Variants in PTPRK observed in about 807,000 individuals in gnomAD.
PTPRK encodes receptor-type tyrosine-protein phosphatase kappa.
PTPRK carries 75 observed loss-of-function variants against 178.0 expected under a neutral mutation model. The observed-to-expected ratio is 0.42, with a 90% CI of 0.35 to 0.51. The LOEUF is 0.51. Among genes scored for constraint, PTPRK ranks in the 20% least tolerant of loss-of-function variants. The pLI is 0.02. For missense variants in PTPRK, 1,441 were observed against 1,797.8 expected, an observed-to-expected ratio of 0.80 and a Z score of 3.59; for synonymous variants, 637 against 620.6, an observed-to-expected ratio of 1.03 and a Z score of -0.39.
intron 2 of PTPRK, among the ~76,000 whole-genome samples, chr6:128,352,432 A>G (rs1453617184): frequency 7.4e-6 from 1 of 134,652 alleles, no homozygotes; most frequent in Admixed American, 7.6e-5. Context: ...AGATCACTGT[A>G]CAGTCCAGAT....
At position 128,360,938 on chromosome 6, in the gene PTPRK, T is replaced by C. The variant is rs376851818; in HGVS notation, c.223+36628A>G. On this transcript the variant is annotated intron_variant, in intron 2 of 29. Coordinates refer to ENST00000368226, the MANE Select transcript of PTPRK (RefSeq NM_002844.4). Reference sequence around the variant, plus strand: ...TGTGTCATAATTCAGAAATACTGAATTTTTTGAAATACTGAAAATGGGATA... The same window carrying C: ...TGTGTCATAATTCAGAAATACTGAACTTTTTGAAATACTGAAAATGGGATA... 6.5e-4 allele frequency among the ~76,000 whole-genome samples: 99 copies of C among 152,206 alleles called. 3 individuals are homozygous for C. In the South Asian group the frequency reaches 0.02, roughly 30 times the overall value.
chr6:128,142,226 C>A (rs962584545), intron 7 of PTPRK, among the ~76,000 whole-genome samples: 1 of 151,994 alleles, frequency 6.6e-6, no homozygotes, highest in Admixed American at 6.6e-5. Flanking sequence ...AGAGCAGAAG[C>A]CTTTCAGAAC....
At chr6:128,291,544 C>G (rs1823385494) in intron 3 of PTPRK, among the ~76,000 whole-genome samples, 1 of 152,126 alleles carries the variant, frequency 6.6e-6, no homozygotes. Flanking sequence ...GATTCAAAAT[C>G]CCTGTACTTT....
At chr6:128,246,064 A>T (rs980570699) in intron 3 of PTPRK, among the ~76,000 whole-genome samples, 1 of 152,234 alleles carries the variant, frequency 6.6e-6, no homozygotes, top group Non-Finnish European at 1.5e-5. Context: ...GTGATTGTCA[A>T]CAGTGTAATA....
intron 27 of PTPRK, among the ~76,000 whole-genome samples, chr6:127,975,662 C>T (rs1347699946): frequency 6.6e-6 from 1 of 152,098 alleles, no homozygotes; most frequent in Non-Finnish European, 1.5e-5. Context: ...GTTACATAAT[C>T]TAAATTGTTT....
chr6:128,238,570 G>A (rs1813786555), intron 5 of PTPRK, among the ~76,000 whole-genome samples: 1 of 152,144 alleles, frequency 6.6e-6, no homozygotes, highest in Non-Finnish European at 1.5e-5. Context: ...CCAAATGCCA[G>A]CTAATGTTCC....
chr6:128,164,727 G>A (rs933863490), intron 7 of PTPRK, among the ~76,000 whole-genome samples: 6 of 150,540 alleles, frequency 4.0e-5, no homozygotes, highest in African/African-American at 1.5e-4. Context: ...GCTGGGGGGG[G>A]AGATTAAAAA....
At chr6:128,202,273 G>T (rs1216670534) in intron 6 of PTPRK, among the ~76,000 whole-genome samples, 3 of 152,302 alleles carry the variant, frequency 2.0e-5, no homozygotes, top group African/African-American at 7.2e-5. Flanking sequence ...AGGGGAAGCG[G>T]TGAGGAATTA....
chr6:128,221,376 T>C (rs1274643680), intron 5 of PTPRK, among the ~76,000 whole-genome samples: 1 of 151,976 alleles, frequency 6.6e-6, no homozygotes, highest in East Asian at 1.9e-4. Flanking sequence ...TACAAAAAAT[T>C]AGCCAGGCGC....
chr6:128,084,847 T>C (rs1305850522), intron 8 of PTPRK: 1 of 152,178 alleles, frequency 6.6e-6, no homozygotes, highest in African/African-American at 2.4e-5. Context: ...AAATATCAAC[T>C]GAATATTGGG....
chr6:128,489,143 G>A (rs1853401536), intron 1 of PTPRK, among the ~76,000 whole-genome samples: 1 of 152,128 alleles, frequency 6.6e-6, no homozygotes, highest in South Asian at 2.1e-4. Flanking sequence ...CTTGAGTTCT[G>A]AAAATATTTC....
chr6:128,428,113 T>C (rs1844394894), intron 1 of PTPRK, among the ~76,000 whole-genome samples: 1 of 151,872 alleles, frequency 6.6e-6, no homozygotes, highest in South Asian at 2.1e-4. Context: ...AAAAAAAAGT[T>C]TGGCATCATC....
At position 128,223,161 on chromosome 6, in the gene PTPRK, A is replaced by T. The variant is rs180709910; in HGVS notation, c.694-4065T>A. Among the ~76,000 whole-genome samples, 427 of 151,912 alleles carry T rather than the reference A, an allele frequency of 2.8e-3. 3 individuals carry two copies. Among genetic ancestry groups the T allele is most frequent in the African/African-American group, 9.2e-3 (380 of 41,402 alleles). ...AGGGTTTCATGTCTCATTTATATATATTTTTTCCTCCATAATATTTAATAT... is the reference window on the plus strand; with the variant it reads ...AGGGTTTCATGTCTCATTTATATATTTTTTTTCCTCCATAATATTTAATAT... On this transcript the variant is annotated intron_variant, in intron 5 of 29. Transcript: ENST00000368226.
chr6:128,352,549 G>C (rs1257150100), intron 2 of PTPRK, among the ~76,000 whole-genome samples: 1 of 152,006 alleles, frequency 6.6e-6, no homozygotes, highest in Non-Finnish European at 1.5e-5. Context: ...TGCCCTTCTT[G>C]GTCTATGCTG....
intron 1 of PTPRK, among the ~76,000 whole-genome samples, chr6:128,484,002 C>T (rs1040269578): frequency 4.8e-4 from 73 of 151,998 alleles, no homozygotes; most frequent in African/African-American, 1.5e-3. Context: ...TTCCCCTCTT[C>T]GTGGTTCTGT....
rs534902560 is a variant in PTPRK, at chr6:128,430,359, T to C, written c.101-32671A>G. On this transcript the variant is annotated intron_variant, in intron 1 of 29. Transcript: ENST00000368226. ...ATTATATGGGCATTGAATTCTAAAG[T>C]AACTAATGAAGATATTAACATATTT... Among the ~76,000 whole-genome samples, 6 of 152,340 alleles carry C rather than the reference T, an allele frequency of 3.9e-5. No individual in the cohort carries two copies. In the East Asian group the frequency reaches 1.2e-3, roughly 29 times the overall value.
intron 11 of PTPRK, among the ~76,000 whole-genome samples, chr6:128,078,176 T>A (rs780690286): frequency 6.6e-6 from 1 of 151,944 alleles, no homozygotes; most frequent in Non-Finnish European, 1.5e-5. Context: ...AGGCCAATGC[T>A]CTTAAGTCAA....
At chr6:128,481,705 TATTATA>T (rs988961393) in intron 1 of PTPRK, among the ~76,000 whole-genome samples, 2 of 152,206 alleles carry the variant, frequency 1.3e-5, no homozygotes, top group Non-Finnish European at 2.9e-5. Context: ...TGATTGAAAA[TATTATA>T]ATTATAATTA....
At chr6:128,193,595 G>C (rs1338662479) in intron 6 of PTPRK, among the ~76,000 whole-genome samples, 1 of 152,034 alleles carries the variant, frequency 6.6e-6, no homozygotes, top group African/African-American at 2.4e-5. Context: ...GTCCCCATGT[G>C]ATATGTATTC....
Sources: allele counts gnomAD v4.1 joint callset (sites outside exome capture counted in the v4.1 genomes callset), GRCh38; gene constraint gnomAD v4.1.1; transcripts MANE v1.5; gene names NCBI Gene and HGNC (gene_info 2026-07-23, HGNC 2026-07-21).